Variants in PIK3R3 observed in about 807,000 individuals in gnomAD.
The protein encoded by PIK3R3 is phosphoinositide-3-kinase regulatory subunit 3.
Under a neutral mutation model 62.9 loss-of-function variants are expected in PIK3R3, and 64 were observed. That is an observed-to-expected ratio of 1.02 (90% CI 0.83 to 1.25). The LOEUF (loss-of-function observed/expected upper bound fraction) is 1.25, where lower values mean the gene tolerates loss of function less well. Ranked by LOEUF, PIK3R3 falls within the 50% of genes most tolerant of loss-of-function variation. The pLI is 0.00. For synonymous variants in PIK3R3, 165 were observed against 189.0 expected (o/e 0.87, Z 1.04); for missense variants, 614 against 561.6 (o/e 1.09, Z -0.94).
intron 1 of PIK3R3, among the ~76,000 whole-genome samples, chr1:46,128,717 T>C (rs778152325): frequency 6.6e-6 from 1 of 152,180 alleles, no homozygotes; most frequent in African/African-American, 2.4e-5. Context: ...GCCAATTTCA[T>C]AGGGAGAAGC....
chr1:46,062,547 C>A (rs1234870068), intron 5 of PIK3R3, among the ~76,000 whole-genome samples: 1 of 151,180 alleles, frequency 6.6e-6, no homozygotes, highest in Non-Finnish European at 1.5e-5. Flanking sequence ...TGCACTCCAG[C>A]CTGGGCGACA....
intron 3 of PIK3R3, among the ~76,000 whole-genome samples, chr1:46,073,089 G>A (rs929539118): frequency 2.0e-5 from 3 of 151,946 alleles, no homozygotes; most frequent in Non-Finnish European, 4.4e-5. Flanking sequence ...ATTGTAGTAG[G>A]CCAAGACAGA....
chr1:46,119,944 AT>A (rs1395000431), intron 1 of PIK3R3, among the ~76,000 whole-genome samples: 1 of 151,908 alleles, frequency 6.6e-6, no homozygotes, highest in African/African-American at 2.4e-5. Flanking sequence ...TGCACAGCTA[AT>A]TTTTGTATTT....
In PIK3R3 at chr1:46,055,955, C is replaced by A. The variant is rs752102787; in HGVS notation, c.781G>T (p.Asp261Tyr). The A allele has an allele frequency of 1.3e-6, 2 of 1,577,530 alleles. No homozygotes were observed. Among genetic ancestry groups the A allele is most frequent in the African/African-American group, 1.4e-5 (1 of 72,644 alleles). ...KEIERIMMNY[D>Y]KLKSRLGEIH... Reference sequence around the variant, plus strand: ...TCACCCAGACGTGATTTCAATTTATCATAATTCATCATAATTCTGTAAAAA... The same window carrying A: ...TCACCCAGACGTGATTTCAATTTATAATAATTCATCATAATTCTGTAAAAA... Residue 261 changes from aspartate (D) to tyrosine (Y), a missense_variant, in exon 7 of 10, where the codon GAT (aspartate) becomes TAT (tyrosine). Coordinates refer to ENST00000262741, the MANE Select transcript of PIK3R3 (RefSeq NM_003629.4).
chr1:46,088,396 G>GA (rs200390620), intron 1 of PIK3R3, among the ~76,000 whole-genome samples: 24 of 151,546 alleles, frequency 1.6e-4, no homozygotes, highest in Admixed American at 1.6e-3. Flanking sequence ...GAATTAAAGG[G>GA]AAAAAAAACT....
Position 46,132,238 on chromosome 1 carries a change from C to T in PIK3R3, c.-286G>A, listed in dbSNP as rs1427173433. The T allele has an allele frequency of 8.6e-7, 1 of 1,167,576 alleles. No homozygotes were observed. Among genetic ancestry groups the T allele is most frequent in the African/African-American group, 1.6e-5 (1 of 63,008 alleles). The allele number at this position is 1,167,576 out of a possible 1,614,324, so 72.3% of individuals were successfully genotyped here. A position where few individuals can be genotyped will look rare whatever the true frequency, so the allele number is the denominator to read the frequency against. On this transcript the variant is annotated 5_prime_UTR_variant, in exon 1 of 10. Coordinates refer to ENST00000262741, the MANE Select transcript of PIK3R3 (RefSeq NM_003629.4). Reference sequence around the variant, plus strand: ...GAGCAGAGGTGTTAAAAAGCGGCTTCCCAAAAATCCTTTCTACACAGTCGC... The same window carrying T: ...GAGCAGAGGTGTTAAAAAGCGGCTTTCCAAAAATCCTTTCTACACAGTCGC...
intron 8 of PIK3R3, 133 bp downstream of exon 8, chr1:46,046,418 C>A: frequency 1.4e-6 from 1 of 690,704 alleles, no homozygotes; most frequent in Admixed American, 2.5e-5. Context: ...CAATTCAATT[C>A]AAAAGATAGT....
chr1:46,154,730 T>A, the PIK3R3 span, among the ~76,000 whole-genome samples: 1 of 152,156 alleles, frequency 6.6e-6, no homozygotes, highest in African/African-American at 2.4e-5. Context: ...CTCATTCACA[T>A]CTGCTTCAGC....
chr1:46,170,043 G>T, the PIK3R3 span, among the ~76,000 whole-genome samples: 1 of 152,098 alleles, frequency 6.6e-6, no homozygotes, highest in Admixed American at 6.5e-5. Flanking sequence ...AGTGGCTTCG[G>T]TGTGCATCAT....
At chr1:46,165,322 T>TTTTTTA in the PIK3R3 span, among the ~76,000 whole-genome samples, 1 of 150,560 alleles carries the variant, frequency 6.6e-6, no homozygotes, top group African/African-American at 2.4e-5. Context: ...TTTTTTTTTT[T>TTTTTTA]GAGATGGAGT....
At chr1:46,065,223 G>GT (rs1648879202) in intron 5 of PIK3R3, among the ~76,000 whole-genome samples, 1 of 152,114 alleles carries the variant, frequency 6.6e-6, no homozygotes, top group Admixed American at 6.5e-5. Context: ...GACAAACTAT[G>GT]TAACAACTTA....
At chr1:46,095,336 T>C (rs901743076) in intron 1 of PIK3R3, among the ~76,000 whole-genome samples, 8 of 147,136 alleles carry the variant, frequency 5.4e-5, no homozygotes, top group African/African-American at 7.5e-5. Flanking sequence ...TGCAGGGACA[T>C]GGATGGAGTT....
chr1:46,150,906 T>G, the PIK3R3 span, among the ~76,000 whole-genome samples: 1 of 151,048 alleles, frequency 6.6e-6, no homozygotes, highest in Non-Finnish European at 1.5e-5. Flanking sequence ...CCTCCCGAGT[T>G]CAAGCGATTC....
the PIK3R3 span, among the ~76,000 whole-genome samples, chr1:46,139,623 A>T: frequency 1.3e-5 from 2 of 152,130 alleles, no homozygotes; most frequent in Non-Finnish European, 2.9e-5. Context: ...ATGTGCTTCT[A>T]AACGGACTAA....
intron 1 of PIK3R3, among the ~76,000 whole-genome samples, chr1:46,102,751 T>G (rs1054582034): frequency 7.2e-6 from 1 of 139,194 alleles, no homozygotes; most frequent in African/African-American, 2.7e-5. Flanking sequence ...TCAAAAAAAA[T>G]TTTTAAAATA....
At chr1:46,080,870 T>C in intron 1 of PIK3R3, 120 bp from the exon 2 acceptor site, 2 of 644,120 alleles carry the variant, frequency 3.1e-6, no homozygotes, top group Non-Finnish European at 5.4e-6. Flanking sequence ...TCAAATTGAG[T>C]ATTATTTTAT....
intron 1 of PIK3R3, among the ~76,000 whole-genome samples, chr1:46,127,359 ATAT>A (rs1176153786): frequency 7.5e-6 from 1 of 133,528 alleles, no homozygotes; most frequent in African/African-American, 3.1e-5. Context: ...AAAAAAAAAT[ATAT>A]ATATATATAC....
chr1:46,167,435 A>G, the PIK3R3 span, among the ~76,000 whole-genome samples: 1 of 152,054 alleles, frequency 6.6e-6, no homozygotes, highest in Non-Finnish European at 1.5e-5. Flanking sequence ...CTAGGTGAGG[A>G]GCAGCCTCCT....
intron 6 of PIK3R3, among the ~76,000 whole-genome samples, chr1:46,060,126 T>C (rs1015581291): frequency 6.6e-6 from 1 of 151,114 alleles, no homozygotes; most frequent in African/African-American, 2.4e-5. Flanking sequence ...AACAAAACGT[T>C]ATCATGCTAC....
Sources: gnomAD v4.1 joint callset for allele counts (sites outside exome capture counted in the v4.1 genomes callset) on GRCh38, gnomAD v4.1.1 for gene constraint, MANE v1.5 for transcripts, NCBI Gene and HGNC (gene_info 2026-07-23, HGNC 2026-07-21) for gene names.